The following NDUFA9 variants were observed in gnomAD, a reference collection of about 807,000 sequenced individuals.
The protein encoded by NDUFA9 is NADH:ubiquinone oxidoreductase subunit A9, also known as NADH dehydrogenase [ubiquinone] 1 alpha subcomplex subunit 9, mitochondrial.
Under a neutral mutation model 45.9 loss-of-function variants are expected in NDUFA9, and 23 were observed. The observed-to-expected ratio is 0.50, with a 90% CI of 0.36 to 0.71. The LOEUF (loss-of-function observed/expected upper bound fraction) is 0.71. NDUFA9 is among the 30% of genes least tolerant of loss of function. The pLI is 0.00. For missense variants in NDUFA9, 466 were observed against 488.2 expected (o/e 0.95, Z 0.43); for synonymous variants, 176 against 170.5 (o/e 1.03, Z -0.25).
Position 4,650,492 on chromosome 12 carries a change from C to T in NDUFA9, c.49+1317C>T, listed in dbSNP as rs529378192. On this transcript the variant is annotated intron_variant, in intron 1 of 10. Transcript: ENST00000266544. ...TAATTTTCCTCTTTTAACTTACTTT[C>T]CTCTGACTGACACCATAGCTTGTGT... Among the ~76,000 whole-genome samples the T allele has an allele frequency of 4.0e-3, 612 of 152,310 alleles. 2 individuals carry two copies. The highest frequency in any genetic ancestry group is 3.9e-3 in the Non-Finnish European group (263 of 68,022).
chr12:4,662,881 T>G (rs1236021881), intron 6 of NDUFA9, among the ~76,000 whole-genome samples: 1 of 152,226 alleles, frequency 6.6e-6, no homozygotes, highest in African/African-American at 2.4e-5. Flanking sequence ...GTTTAAGTCT[T>G]GGCCCAGCTA....
intron 1 of NDUFA9, among the ~76,000 whole-genome samples, chr12:4,653,083 C>T (rs547244808): frequency 6.6e-6 from 1 of 152,346 alleles, no homozygotes; most frequent in Admixed American, 6.5e-5. Context: ...CACTTTAAAC[C>T]TTTTTGTTTC....
chr12:4,682,065 G>A (rs1249561994), intron 8 of NDUFA9, 140 bp from the exon 9 acceptor site: 1 of 492,172 alleles, frequency 2.0e-6, no homozygotes, highest in Non-Finnish European at 3.6e-6. Flanking sequence ...ATGGGATTAT[G>A]GGTGATTTTT....
chr12:4,671,350 A>G (rs1945885962), intron 8 of NDUFA9, among the ~76,000 whole-genome samples: 1 of 152,192 alleles, frequency 6.6e-6, no homozygotes, highest in Admixed American at 6.5e-5. Flanking sequence ...TATACTAGTA[A>G]ATGAACAATG....
rs7311259 is a variant in NDUFA9 at position 4,689,605 on chromosome 12, A to G, written c.*2497A>G. ...GGACACAGCACATGTTTCAGAGAGC[A>G]CAGGGTTGGGGGTAAGATCATAGAT... On this transcript the variant is annotated 3_prime_UTR_variant, in exon 11 of 11. Coordinates refer to ENST00000266544, the MANE Select transcript of NDUFA9 (RefSeq NM_005002.5). 34,441 of 186,650 alleles carry G rather than the reference A, an allele frequency of 0.18. 3,734 individuals are homozygous for G. Among genetic ancestry groups the G allele is most frequent in the East Asian group, 0.45 (2,670 of 5,966 alleles). 11.6% of individuals were successfully genotyped at this position (186,650 alleles called of 1,614,324 possible).
intron 6 of NDUFA9, chr12:4,667,512 CTTT>C (rs11335422): frequency 8.4e-3 from 1,319 of 156,924 alleles, no homozygotes; most frequent in South Asian, 0.023. Context: ...AATTTCTACT[CTTT>C]TTTTTTTTTT....
Position 4,689,375 on chromosome 12 carries a change from A to G in NDUFA9, c.*2267A>G, listed in dbSNP as rs1250739163. On this transcript the variant is annotated 3_prime_UTR_variant, in exon 11 of 11. Transcript: ENST00000266544. ...GGGGATTTGGCAGGGTCATAGGACAATAGTGGAGGGAAGGTCAGCAGATAA... is the reference window on the plus strand; with the variant it reads ...GGGGATTTGGCAGGGTCATAGGACAGTAGTGGAGGGAAGGTCAGCAGATAA... The G allele has an allele frequency of 1.3e-5, 2 of 152,212 alleles. No individual in the cohort carries two copies. The highest frequency in any genetic ancestry group is 2.4e-5 in the African/African-American group (1 of 41,338). 9.4% of individuals were successfully genotyped at this position (152,212 alleles called of 1,614,324 possible).
chr12:4,691,012 C>T lies in NDUFA9; in HGVS notation c.*3904C>T, dbSNP rs577369442. On this transcript the variant is annotated 3_prime_UTR_variant, in exon 11 of 11. Coordinates refer to ENST00000266544, the MANE Select transcript of NDUFA9 (RefSeq NM_005002.5). ...GTCCGTGAGTTGGGAGGGGCACAAG[C>T]GAGTTTAACCTTTACCTTGGAGGTG... 3.9e-5 allele frequency: 6 copies of T among 152,272 alleles called. No homozygotes were observed. Among genetic ancestry groups the T allele is most frequent in the East Asian group, 1.9e-4 (1 of 5,166 alleles). 9.4% of individuals were successfully genotyped at this position (152,272 alleles called of 1,614,324 possible). A position where few individuals can be genotyped will look rare whatever the true frequency, so the allele number is the denominator to read the frequency against.
At position 4,691,930 on chromosome 12, in the gene NDUFA9, A is replaced by G. The variant is rs1946020797; in HGVS notation, c.*4822A>G. 6.6e-6 allele frequency: 1 copy of G among 152,126 alleles called. No individual in the cohort carries two copies. Among genetic ancestry groups the G allele is most frequent in the Admixed American group, 6.5e-5 (1 of 15,278 alleles). 9.4% of individuals were successfully genotyped at this position (152,126 alleles called of 1,614,324 possible). ...GCAGCTTGGAGCAAGGTGCCCACCAAAGTTAGGCACATCCCACAGCAAGTG... is the reference window on the plus strand; with the variant it reads ...GCAGCTTGGAGCAAGGTGCCCACCAGAGTTAGGCACATCCCACAGCAAGTG... On this transcript the variant is annotated 3_prime_UTR_variant, in exon 11 of 11. Transcript: ENST00000266544.
At chr12:4,653,481 A>G in intron 1 of NDUFA9, 2 of 343,670 alleles carry the variant, frequency 5.8e-6, no homozygotes, top group Non-Finnish European at 1.1e-5. Flanking sequence ...CTTTGCACAC[A>G]TGCTGTAGAG....
At position 4,682,248 on chromosome 12, in the gene NDUFA9, G is replaced by T. The variant is rs1294416970; in HGVS notation, c.844G>T (p.Ala282Ser). The T allele has an allele frequency of 1.2e-6, 2 of 1,613,356 alleles. No homozygotes were observed. Among genetic ancestry groups the T allele is most frequent in the African/African-American group, 1.3e-5 (1 of 74,986 alleles). Residue 282 changes from alanine to serine, a missense_variant, in exon 9 of 11, where the codon GCT (alanine) becomes TCT (serine). By Grantham distance (99) the Ala-to-Ser change is moderately conservative. Coordinates refer to ENST00000266544, the MANE Select transcript of NDUFA9 (RefSeq NM_005002.5). ...TTTCCACCTGGTGAAGTACATCTTT[G>T]CTGTGGCTCACAGATTGTTCCTCCC... ...LLFHLVKYIF[A>S]VAHRLFLPFP...
Position 4,668,537 on chromosome 12 carries a change from A to G in NDUFA9, c.723+13A>G. ...ACAACCAGTATATGTAAGTACTTGG[A>G]TGAAGGGGGTCAGAAAGGGATTTTT... On this transcript the variant is annotated intron_variant, in intron 7 of 10. Coordinates refer to ENST00000266544, the MANE Select transcript of NDUFA9 (RefSeq NM_005002.5). 1.2e-6 allele frequency: 2 copies of G among 1,601,966 alleles called. No individual in the cohort carries two copies. Among genetic ancestry groups the G allele is most frequent in the Non-Finnish European group, 1.7e-6 (2 of 1,169,034 alleles).
chr12:4,683,243 C>T (rs1194358416), intron 9 of NDUFA9, among the ~76,000 whole-genome samples: 1 of 151,684 alleles, frequency 6.6e-6, no homozygotes, highest in Non-Finnish European at 1.5e-5. Flanking sequence ...GATGGGAGCT[C>T]CTTTCTCGTC....
In NDUFA9 at chr12:4,657,854, C is replaced by T. The variant is rs1010515195; in HGVS notation, c.410+15C>T. ...TGGGAAACCAAGTAAGTCTTTGACT[C>T]TTGTTTCTTCTTTGCTTAAGTCTTT... On this transcript the variant is annotated intron_variant, in intron 4 of 10. Coordinates refer to ENST00000266544, the MANE Select transcript of NDUFA9 (RefSeq NM_005002.5). 3.2e-6 allele frequency: 5 copies of T among 1,581,448 alleles called. No individual in the cohort carries two copies. Among genetic ancestry groups the T allele is most frequent in the South Asian group, 1.1e-5 (1 of 90,410 alleles).
intron 9 of NDUFA9, 130 bp downstream of exon 9, chr12:4,682,430 G>A (rs1945959196): frequency 4.0e-6 from 2 of 496,956 alleles, no homozygotes; most frequent in South Asian, 1.2e-4. Flanking sequence ...TATGACATTA[G>A]CATAGAGAAG....
At chr12:4,681,877 A>G (rs1228667202) in intron 8 of NDUFA9, among the ~76,000 whole-genome samples, 1 of 152,136 alleles carries the variant, frequency 6.6e-6, no homozygotes, top group African/African-American at 2.4e-5. Flanking sequence ...CATGCAGTGT[A>G]ATATGTTGTC....
rs1306121637 is a variant in NDUFA9, at chr12:4,690,471, G to A, written c.*3363G>A. The A allele has an allele frequency of 2.0e-5, 3 of 152,212 alleles. No homozygotes were observed. Among genetic ancestry groups the A allele is most frequent in the African/African-American group, 4.8e-5 (2 of 41,424 alleles). 9.4% of individuals were successfully genotyped at this position (152,212 alleles called of 1,614,324 possible). A position where few individuals can be genotyped will look rare whatever the true frequency, so the allele number is the denominator to read the frequency against. ...TGTAATCCCAGCACTTTGGGAGGCTGATGGGGGTGGATCATGAGGTTAGGA... is the reference window on the plus strand; with the variant it reads ...TGTAATCCCAGCACTTTGGGAGGCTAATGGGGGTGGATCATGAGGTTAGGA... On this transcript the variant is annotated 3_prime_UTR_variant, in exon 11 of 11. Transcript: ENST00000266544.
At chr12:4,658,269 G>C (rs1945802985) in intron 4 of NDUFA9, among the ~76,000 whole-genome samples, 2 of 152,148 alleles carry the variant, frequency 1.3e-5, no homozygotes. Flanking sequence ...TGTATGGATT[G>C]TTTATTAACA....
intron 8 of NDUFA9, among the ~76,000 whole-genome samples, chr12:4,675,131 A>G (rs913970530): frequency 3.3e-5 from 5 of 152,252 alleles, no homozygotes; most frequent in African/African-American, 7.2e-5. Context: ...GAACAAAGAC[A>G]CAACATTCCA....
Sources: gnomAD v4.1 joint callset for allele counts (sites outside exome capture counted in the v4.1 genomes callset) on GRCh38, gnomAD v4.1.1 for gene constraint, MANE v1.5 for transcripts, NCBI Gene and HGNC (gene_info 2026-07-23, HGNC 2026-07-21) for gene names.